The following ZNF880 variants were observed in gnomAD, a reference collection of about 807,000 sequenced individuals.
ZNF880 encodes zinc finger protein LOC400713.
A neutral mutation model predicts 11.8 loss-of-function variants in ZNF880; 12 were observed. The ratio of observed to expected loss-of-function variants is 1.02; its 90% CI spans 0.65 to 1.65. The LOEUF is 1.65. Ranked by LOEUF, ZNF880 falls within the 40% of genes most tolerant of loss-of-function variation. The pLI, the probability that ZNF880 is intolerant of heterozygous loss-of-function variation, is 0.00. For missense variants in ZNF880, 601 were observed against 673.9 expected, an observed-to-expected ratio of 0.89 and a Z score of 1.20; for synonymous variants, 210 against 232.4, an observed-to-expected ratio of 0.90 and a Z score of 0.88.
At chr19:52,393,592 GTTTT>G in the ZNF880 span, among the ~76,000 whole-genome samples, 1 of 151,964 alleles carries the variant, frequency 6.6e-6, no homozygotes, top group South Asian at 2.1e-4. Context: ...AGGTGTTTGG[GTTTT>G]TTGTCTTTCT....
At chr19:52,391,508 T>C in the ZNF880 span, 2 of 137,350 alleles carry the variant, frequency 1.5e-5, no homozygotes, top group East Asian at 4.2e-4. Context: ...AGGGGAAAAA[T>C]AAAGAGAAAA....
At chr19:52,375,798 G>A (rs1474575907) in intron 3 of ZNF880, among the ~76,000 whole-genome samples, 4 of 152,086 alleles carry the variant, frequency 2.6e-5, no homozygotes, top group African/African-American at 9.7e-5. Context: ...TGCCTGCCAA[G>A]TCACTGGGAC....
At chr19:52,393,410 TC>T in the ZNF880 span, among the ~76,000 whole-genome samples, 4 of 123,088 alleles carry the variant, frequency 3.2e-5, no homozygotes, top group African/African-American at 1.4e-4. Flanking sequence ...TTTCTTTCTT[TC>T]TTTTTTTTTT....
chr19:52,374,553 C>A (rs1172241084), intron 3 of ZNF880, 126 bp downstream of exon 3: 4 of 1,143,126 alleles, frequency 3.5e-6, no homozygotes, highest in Non-Finnish European at 5.2e-6. Flanking sequence ...TAACTCATAG[C>A]CTCAAACTCC....
downstream of ZNF880, chr19:52,388,716 G>C (rs1034524104): frequency 1.3e-5 from 2 of 152,090 alleles, no homozygotes; most frequent in African/African-American, 2.4e-5. Context: ...GAGGCTTTCT[G>C]GGGAAAGCAG....
At position 52,382,908 on chromosome 19, in the gene ZNF880, T is replaced by C. The variant is rs562779127; in HGVS notation, c.269-941T>C. On this transcript the variant is annotated intron_variant, in intron 3 of 3. Transcript: ENST00000422689. The stretch of plus-strand genomic sequence containing the variant: ...CTTCTGTCTTCCTGTGAATCTCCAA[T>C]AGTTTGTATATTGTTCCACCTGATA... Among the ~76,000 whole-genome samples, 4 of 152,352 alleles carry C rather than the reference T, an allele frequency of 2.6e-5. No homozygotes were observed. In the South Asian group the frequency reaches 8.3e-4, roughly 32 times the overall value.
At chr19:52,397,419 C>T in the ZNF880 span, 1 of 152,160 alleles carries the variant, frequency 6.6e-6, no homozygotes, top group African/African-American at 2.4e-5. Context: ...TAATTCAATT[C>T]CTAAAGCTTC....
In ZNF880 at chr19:52,380,119, C is replaced by G. The variant is rs1275762003; in HGVS notation, c.269-3730C>G. On this transcript the variant is annotated intron_variant, in intron 3 of 3. Transcript: ENST00000422689. ...TTTACCATGTTGGCCAGGCTGGTCT[C>G]CAACTCCTGGTCTCAGGTGATCTAC... The G allele has an allele frequency of 4.0e-5, 6 of 151,718 alleles. No individual in the cohort carries two copies. The South Asian group carries it at 6.2e-4, about 16-fold the overall frequency. The allele number at this position is 151,718 out of a possible 1,614,324, so 9.4% of individuals were successfully genotyped here. A position where few individuals can be genotyped will look rare whatever the true frequency, so the allele number is the denominator to read the frequency against.
downstream of ZNF880, among the ~76,000 whole-genome samples, chr19:52,386,268 G>A (rs545095229): frequency 1.3e-3 from 192 of 143,374 alleles, 21 homozygotes; most frequent in Non-Finnish European, 2.4e-3. Flanking sequence ...GAGGAAGAAG[G>A]ACACTGCGTT....
chr19:52,373,061 C>G (rs765413792), intron 1 of ZNF880, 50 bp from the exon 2 acceptor site: 7 of 1,601,450 alleles, frequency 4.4e-6, no homozygotes, highest in Middle Eastern at 1.7e-4. Context: ...TTACAACTGT[C>G]TCCTCATTTT....
At chr19:52,380,886 C>G (rs1444385087) in intron 3 of ZNF880, among the ~76,000 whole-genome samples, 2 of 151,890 alleles carry the variant, frequency 1.3e-5, no homozygotes, top group Non-Finnish European at 2.9e-5. Flanking sequence ...GCTGTGTTGC[C>G]CAGGCTGGAC....
At chr19:52,369,261 C>T (rs1252350761), upstream of ZNF880, among the ~76,000 whole-genome samples, 1 of 149,032 alleles carries the variant, frequency 6.7e-6, no homozygotes, top group Non-Finnish European at 1.5e-5. Context: ...ACTCGGGAGA[C>T]TGAGGCAGGA....
At chr19:52,387,788 T>G (rs1185317214), downstream of ZNF880, among the ~76,000 whole-genome samples, 2 of 141,604 alleles carry the variant, frequency 1.4e-5, no homozygotes, top group African/African-American at 5.5e-5. Context: ...TTAATAAGAG[T>G]GAAAATACTG....
chr19:52,392,300 CTCTT>C, the ZNF880 span, among the ~76,000 whole-genome samples: 1,331 of 151,780 alleles, frequency 8.8e-3, 18 homozygotes, highest in African/African-American at 0.029. Flanking sequence ...CTTTCTCTCT[CTCTT>C]TCTTTTCTTT....
At chr19:52,396,824 C>G in the ZNF880 span, 1 of 150,846 alleles carries the variant, frequency 6.6e-6, no homozygotes, top group African/African-American at 2.4e-5. Context: ...CTCACAGCTA[C>G]TCGGCAGGCT....
intron 3 of ZNF880, among the ~76,000 whole-genome samples, chr19:52,377,727 C>T (rs1028851194): frequency 6.6e-6 from 1 of 152,098 alleles, no homozygotes; most frequent in African/African-American, 2.4e-5. Flanking sequence ...GATGAAGAGC[C>T]GGATGAGGAG....
chr19:52,390,355 C>T (rs998153191), downstream of ZNF880: 10 of 422,584 alleles, frequency 2.4e-5, no homozygotes, highest in Non-Finnish European at 4.3e-5. Context: ...GTGAACTCTT[C>T]CTGGTCCTGG....
chr19:52,368,434 A>G (rs1431264418), upstream of ZNF880, among the ~76,000 whole-genome samples: 3 of 152,102 alleles, frequency 2.0e-5, no homozygotes, highest in Non-Finnish European at 2.9e-5. Flanking sequence ...AAGTCCCCCT[A>G]AGGTTTGGCT....
At chr19:52,386,238 A>C (rs1242601926), downstream of ZNF880, among the ~76,000 whole-genome samples, 2 of 142,832 alleles carry the variant, frequency 1.4e-5, 1 homozygote, top group Non-Finnish European at 3.0e-5. Context: ...TTAGCTGAGA[A>C]TCATTTCTAT....
Sources: allele counts gnomAD v4.1 joint callset (sites outside exome capture counted in the v4.1 genomes callset), GRCh38; gene constraint gnomAD v4.1.1; transcripts MANE v1.5; gene names NCBI Gene and HGNC (gene_info 2026-07-23, HGNC 2026-07-21).